CCND3: variants seen among roughly 807,000 people sequenced by gnomAD.
CCND3 encodes G1/S-specific cyclin-D3.
CCND3 carries 9 observed loss-of-function variants against 28.7 expected under a neutral mutation model. That is an observed-to-expected ratio of 0.31 (90% CI 0.19 to 0.55). CCND3 has a LOEUF of 0.55. Ranked by LOEUF, CCND3 falls within the 20% of genes least tolerant of loss-of-function variation. The pLI, the probability that CCND3 is intolerant of heterozygous loss-of-function variation, is 0.93. For missense variants in CCND3, 315 were observed against 385.8 expected, an observed-to-expected ratio of 0.82 and a Z score of 1.54; for synonymous variants, 164 against 163.9, an observed-to-expected ratio of 1.00 and a Z score of 0.00.
chr6:41,963,314 G>A (rs371316827), intron 1 of CCND3, among the ~76,000 whole-genome samples: 22 of 152,216 alleles, frequency 1.4e-4, no homozygotes, highest in African/African-American at 4.8e-4. Flanking sequence ...TCTTGAAGGA[G>A]CTTGAAGGAA....
intron 1 of CCND3, among the ~76,000 whole-genome samples, chr6:41,954,028 A>G (rs1776377676): frequency 6.6e-6 from 1 of 151,732 alleles, no homozygotes; most frequent in East Asian, 1.9e-4. Flanking sequence ...AGGCTGGTGG[A>G]TCACTTGAGG....
At chr6:42,035,196 C>A (rs1274496430) in intron 1 of CCND3, among the ~76,000 whole-genome samples, 4 of 152,202 alleles carry the variant, frequency 2.6e-5, no homozygotes, top group African/African-American at 9.7e-5. Flanking sequence ...CAGCGCAGGG[C>A]AACCTACTCC....
At chr6:42,045,952 G>A (rs1037886098) in intron 1 of CCND3, among the ~76,000 whole-genome samples, 3 of 152,328 alleles carry the variant, frequency 2.0e-5, no homozygotes, top group East Asian at 3.9e-4. Flanking sequence ...AGCGAGTGAG[G>A]GAGGAAGGTG....
At chr6:42,044,782 C>CTTTTATTTATTT (rs1764481519) in intron 1 of CCND3, among the ~76,000 whole-genome samples, 1 of 62,330 alleles carries the variant, frequency 1.6e-5, no homozygotes, top group African/African-American at 4.7e-5. Context: ...TCTTTCTTTC[C>CTTTTATTTATTT]TTTTATTTAT....
chr6:42,019,645 G>T (rs1410328602), intron 1 of CCND3, among the ~76,000 whole-genome samples: 1 of 152,080 alleles, frequency 6.6e-6, no homozygotes, highest in Non-Finnish European at 1.5e-5. Flanking sequence ...CAGAAAAAAA[G>T]GTTCAGAAGG....
chr6:41,987,669 AT>A (rs200686799), intron 1 of CCND3, among the ~76,000 whole-genome samples: 175 of 143,244 alleles, frequency 1.2e-3, no homozygotes, highest in South Asian at 2.9e-3. Context: ...TACTCAGCTA[AT>A]TTTTTTTTTT....
chr6:41,983,032 G>C (rs9462759), intron 1 of CCND3, among the ~76,000 whole-genome samples: 3 of 152,038 alleles, frequency 2.0e-5, no homozygotes, highest in Non-Finnish European at 2.9e-5. Context: ...ACCTTGGGTA[G>C]AGTGATGACT....
chr6:42,026,584 C>A (rs1763882537), intron 1 of CCND3, among the ~76,000 whole-genome samples: 1 of 152,172 alleles, frequency 6.6e-6, no homozygotes, highest in South Asian at 2.1e-4. Context: ...CTCCCCATAC[C>A]CTTCTCATCT....
chr6:42,010,732 C>G (rs985953285), intron 1 of CCND3: 1 of 152,178 alleles, frequency 6.6e-6, no homozygotes, highest in Admixed American at 6.6e-5. Context: ...GCAAGGTCAG[C>G]AGGAGTCAGA....
intron 1 of CCND3, among the ~76,000 whole-genome samples, chr6:41,988,584 C>G (rs1762552624): frequency 6.6e-6 from 1 of 152,088 alleles, no homozygotes; most frequent in East Asian, 1.9e-4. Context: ...TGATGGCCAG[C>G]CTTGCAGCTG....
Position 41,941,006 on chromosome 6 carries a change from G to C in CCND3, c.199-421C>G. ...TGCCTCCTGCACTTTTCATTTCCCT[G>C]TCGGCCGGAACAGGGCGCGCGCCAC... On this transcript the variant is annotated intron_variant, in intron 1 of 4. Transcript: ENST00000372991. This position sits in a 1 kb window ranked among gnomAD's most constrained non-coding sequence, Gnocchi z 6.1. 1.2e-6 allele frequency: 2 copies of C among 1,612,514 alleles called. No homozygotes were observed. Among genetic ancestry groups the C allele is most frequent in the Non-Finnish European group, 1.7e-6 (2 of 1,179,714 alleles).
At chr6:42,040,994 C>T (rs1365393598) in intron 1 of CCND3, among the ~76,000 whole-genome samples, 1 of 152,046 alleles carries the variant, frequency 6.6e-6, no homozygotes. Flanking sequence ...GATATGGCAG[C>T]ACTTACAACA....
chr6:42,036,306 T>TTATATATATATATATATATATA (rs566638387), intron 1 of CCND3, among the ~76,000 whole-genome samples: 103 of 130,652 alleles, frequency 7.9e-4, no homozygotes, highest in Non-Finnish European at 1.3e-3. Flanking sequence ...AAATTATTAT[T>TTATATATATATATATATATATA]TATATATATA....
At chr6:41,937,121 G>T in intron 3 of CCND3, 114 bp downstream of exon 3, 3 of 1,156,722 alleles carry the variant, frequency 2.6e-6, no homozygotes, top group Non-Finnish European at 3.9e-6. Context: ...CTCAGAGGGG[G>T]TATAATTTTC....
chr6:42,009,975 A>G (rs78419250), intron 1 of CCND3, among the ~76,000 whole-genome samples: 2,270 of 152,208 alleles, frequency 0.015, 54 homozygotes, highest in African/African-American at 0.05. Context: ...CCTCCAAGCA[A>G]TCAGCAAACA....
rs184899717 is a variant in CCND3 at position 41,986,401 on chromosome 6, A to G, written c.-45-45816T>C. Among the ~76,000 whole-genome samples, 96 of 152,016 alleles carry G rather than the reference A, an allele frequency of 6.3e-4. No homozygotes were observed. The East Asian group carries it at 0.014, about 23-fold the overall frequency. On this transcript the variant is annotated intron_variant, in intron 1 of 4. Transcript: ENST00000372988. ...ATTTAAACATTAATTCTTCCAATTC[A>G]TGAACACAGAATATCATTCCATTTA... is the stretch of plus-strand genomic sequence containing the variant.
chr6:41,977,336 G>A (rs1170921349), intron 1 of CCND3, among the ~76,000 whole-genome samples: 2 of 152,064 alleles, frequency 1.3e-5, no homozygotes, highest in South Asian at 2.1e-4. Flanking sequence ...ACACCAAACC[G>A]TTGAGGAAGG....
At chr6:42,009,246 C>T (rs1365755365) in intron 1 of CCND3, among the ~76,000 whole-genome samples, 2 of 152,128 alleles carry the variant, frequency 1.3e-5, no homozygotes, top group African/African-American at 4.8e-5. Flanking sequence ...GGGGCCGAGG[C>T]AGTTGGATTG....
intron 1 of CCND3, among the ~76,000 whole-genome samples, chr6:42,004,732 G>GA (rs1266698992): frequency 1.3e-5 from 2 of 150,746 alleles, no homozygotes; most frequent in East Asian, 1.9e-4. Context: ...TCCATTTCAG[G>GA]AAAAAAAAGA....
Sources: allele counts gnomAD v4.1 joint callset (sites outside exome capture counted in the v4.1 genomes callset), GRCh38; gene constraint gnomAD v4.1.1; non-coding constraint Gnocchi (gnomAD v3.1); transcripts MANE v1.5; gene names NCBI Gene and HGNC (gene_info 2026-07-23, HGNC 2026-07-21).